The following SGCD variants were observed in gnomAD, a reference collection of about 807,000 sequenced individuals.
SGCD encodes the protein delta-sarcoglycan.
SGCD carries 18 observed loss-of-function variants against 36.6 expected under a neutral mutation model. The observed-to-expected ratio is 0.49, with a 90% CI of 0.34 to 0.73. The LOEUF is 0.73. Ranked by LOEUF, SGCD falls within the 30% of genes least tolerant of loss-of-function variation. The pLI is 0.01. For missense variants in SGCD, 387 were observed against 346.7 expected, an observed-to-expected ratio of 1.12 and a Z score of -0.92; for synonymous variants, 133 against 130.6, an observed-to-expected ratio of 1.02 and a Z score of -0.12.
At chr5:156,203,373 C>T (rs1051466781) in intron 3 of SGCD, among the ~76,000 whole-genome samples, 2 of 152,076 alleles carry the variant, frequency 1.3e-5, no homozygotes, top group African/African-American at 4.8e-5. Context: ...TAACAAACTA[C>T]AAAGGCATTG....
intron 6 of SGCD, among the ~76,000 whole-genome samples, chr5:156,642,840 C>G (rs1242490322): frequency 6.6e-6 from 1 of 152,042 alleles, no homozygotes; most frequent in Non-Finnish European, 1.5e-5. Context: ...ACATTCAGCT[C>G]TTGACTACTT....
chr5:156,056,059 A>C (rs1361637023), intron 1 of SGCD, among the ~76,000 whole-genome samples: 1 of 146,538 alleles, frequency 6.8e-6, no homozygotes, highest in East Asian at 1.9e-4. Flanking sequence ...AATAGTGACA[A>C]AGTTGAAGTC....
intron 4 of SGCD, among the ~76,000 whole-genome samples, chr5:156,579,040 T>A: frequency 6.6e-6 from 1 of 152,264 alleles, no homozygotes; most frequent in East Asian, 1.9e-4. Context: ...CTTTTTCTTG[T>A]GGGCATTTAG....
Position 156,181,170 on chromosome 5 carries a change from C to T in SGCD, c.-44+57151C>T, listed in dbSNP as rs77409528. Among the ~76,000 whole-genome samples, 319 of 152,256 alleles carry T rather than the reference C, an allele frequency of 2.1e-3. 3 individuals carry two copies. Among genetic ancestry groups the T allele is most frequent in the Middle Eastern group, 0.017 (5 of 294 alleles). On this transcript the variant is annotated intron_variant, in intron 3 of 9. Coordinates refer to the SGCD transcript ENST00000517913. Reference sequence around the variant, plus strand: ...GGCCTTTCATTTTAAAAGCGCTCAGCATGCCAAAGCACCATATTTTGGAGA... The same window carrying T: ...GGCCTTTCATTTTAAAAGCGCTCAGTATGCCAAAGCACCATATTTTGGAGA...
At chr5:156,578,060 T>A (rs1760058798) in intron 4 of SGCD, among the ~76,000 whole-genome samples, 1 of 152,198 alleles carries the variant, frequency 6.6e-6, no homozygotes, top group Non-Finnish European at 1.5e-5. Context: ...TTGTCATAAA[T>A]AGCTCTTATT....
chr5:156,762,685 T>C lies in SGCD; in HGVS notation c.*3295T>C, dbSNP rs1757519708. The C allele has an allele frequency of 6.6e-6, 1 of 152,654 alleles. No homozygotes were observed. The highest frequency in any genetic ancestry group is 1.5e-5 in the Non-Finnish European group (1 of 68,040). 9.5% of individuals were successfully genotyped at this position (152,654 alleles called of 1,614,324 possible). ...AAAGTTTTATTGTCACATAGCCACA[T>C]ACATTCATTTACATGTTTTCTGATT... On this transcript the variant is annotated 3_prime_UTR_variant, in exon 9 of 9. Transcript: ENST00000337851.
intron 3 of SGCD, among the ~76,000 whole-genome samples, chr5:156,146,028 A>G (rs998569414): frequency 1.3e-5 from 2 of 152,258 alleles, no homozygotes; most frequent in South Asian, 2.1e-4. Flanking sequence ...CCTGGCTAAC[A>G]TGGTGAAACC....
chr5:156,267,784 A>G (rs1251451730), intron 3 of SGCD, among the ~76,000 whole-genome samples: 1 of 152,232 alleles, frequency 6.6e-6, no homozygotes, highest in African/African-American at 2.4e-5. Context: ...CATCTACACA[A>G]TTTGACCAAG....
At chr5:156,263,221 A>C (rs971491267) in intron 3 of SGCD, among the ~76,000 whole-genome samples, 3 of 152,066 alleles carry the variant, frequency 2.0e-5, no homozygotes, top group African/African-American at 7.2e-5. Flanking sequence ...TTACCTTCTC[A>C]TCAGCAGTGT....
At chr5:155,857,598 G>A in the SGCD span, among the ~76,000 whole-genome samples, 1 of 152,168 alleles carries the variant, frequency 6.6e-6, no homozygotes, top group Admixed American at 6.5e-5. Context: ...GCAATTAATA[G>A]TACCTGAACA....
intron 3 of SGCD, among the ~76,000 whole-genome samples, chr5:156,292,081 G>C (rs1766773065): frequency 6.6e-6 from 1 of 152,032 alleles, no homozygotes; most frequent in Non-Finnish European, 1.5e-5. Context: ...GTATAAGTGA[G>C]ATCTGCAGTA....
At chr5:155,757,200 A>G in the SGCD span, among the ~76,000 whole-genome samples, 1 of 152,240 alleles carries the variant, frequency 6.6e-6, no homozygotes, top group African/African-American at 2.4e-5. Context: ...TAGAGTTTAT[A>G]GAATAATAGA....
intron 6 of SGCD, among the ~76,000 whole-genome samples, chr5:156,596,004 C>G (rs1406495798): frequency 6.6e-6 from 1 of 152,150 alleles, no homozygotes; most frequent in African/African-American, 2.4e-5. Flanking sequence ...CTGTCACCCA[C>G]TAGTTTTGTG....
chr5:156,397,041 G>T (rs930120998), intron 3 of SGCD, among the ~76,000 whole-genome samples: 2 of 152,146 alleles, frequency 1.3e-5, no homozygotes, highest in Non-Finnish European at 2.9e-5. Context: ...TTTCTAGGAG[G>T]TTAAAGGGTC....
At chr5:156,368,921 A>G (rs754172158) in intron 3 of SGCD, among the ~76,000 whole-genome samples, 6 of 152,232 alleles carry the variant, frequency 3.9e-5, no homozygotes, top group Non-Finnish European at 7.3e-5. Context: ...AAAAAAGTGC[A>G]CAATAAATGT....
At chr5:156,448,731 CTTTTTTTTTTTTTTTT>C (rs1158844774) in intron 3 of SGCD, among the ~76,000 whole-genome samples, 2 of 76,054 alleles carry the variant, frequency 2.6e-5, no homozygotes, top group Middle Eastern at 0.011. Flanking sequence ...TTTTCTTTTT[CTTTTTTTTTTTTTTTT>C]TTTTTTTTTT....
intron 5 of SGCD, among the ~76,000 whole-genome samples, chr5:156,589,724 T>G (rs1249787402): frequency 1.3e-5 from 2 of 152,214 alleles, no homozygotes; most frequent in African/African-American, 4.8e-5. Context: ...CTTTATGGGC[T>G]GTGAAAGGGA....
intron 7 of SGCD, among the ~76,000 whole-genome samples, chr5:156,730,633 A>T (rs1756012724): frequency 6.6e-6 from 1 of 152,060 alleles, no homozygotes; most frequent in African/African-American, 2.4e-5. Context: ...ATTAATGGGC[A>T]TTTAGGTTGA....
At chr5:156,622,169 A>AC (rs1488132200) in intron 6 of SGCD, among the ~76,000 whole-genome samples, 2 of 152,184 alleles carry the variant, frequency 1.3e-5, no homozygotes, top group African/African-American at 4.8e-5. Context: ...GTGGTGGCTC[A>AC]CACCTGTAAT....
Sources: gnomAD v4.1 joint callset for allele counts (sites outside exome capture counted in the v4.1 genomes callset) on GRCh38, gnomAD v4.1.1 for gene constraint, MANE v1.5 for transcripts, NCBI Gene and HGNC (gene_info 2026-07-23, HGNC 2026-07-21) for gene names.